Variants in KMT2C observed in about 807,000 individuals in gnomAD.
The protein encoded by KMT2C is histone-lysine N-methyltransferase 2C.
KMT2C carries 88 observed loss-of-function variants against 507.9 expected under a neutral mutation model. That is an observed-to-expected ratio of 0.17 (90% CI 0.15 to 0.21). KMT2C has a LOEUF of 0.21. Ranked by LOEUF, KMT2C falls within the 10% of genes least tolerant of loss-of-function variation. The pLI, the probability that KMT2C is intolerant of heterozygous loss-of-function variation, is 1.00. For missense variants in KMT2C, 4,954 were observed against 5,957.8 expected, an observed-to-expected ratio of 0.83 and a Z score of 5.55; for synonymous variants, 2,049 against 2,080.8, an observed-to-expected ratio of 0.98 and a Z score of 0.42.
chr7:152,181,197 T>C lies in KMT2C; in HGVS notation c.6663A>G (p.Pro2221=). Residue 2221 remains proline, a synonymous_variant, in exon 36 of 59, where the codon CCA becomes CCG. Coordinates refer to ENST00000262189, the MANE Select transcript of KMT2C (RefSeq NM_170606.3). ...RPGISVPYSQ[P]PATPRPRISE... is the part of the protein sequence containing the mutation. ...AAATCCTTGGCCTTGGTGTTGCTGG[T>C]GGCTGAGAGTAAGGGACAGAAATTC... The C allele has an allele frequency of 6.2e-7, 1 of 1,614,092 alleles. No individual in the cohort carries two copies. Among genetic ancestry groups the C allele is most frequent in the Admixed American group, 1.7e-5 (1 of 59,996 alleles).
Position 152,159,058 on chromosome 7 carries a change from A to G in KMT2C, c.11475T>C (p.Ala3825=), listed in dbSNP as rs1311900064. 7 of 1,614,036 alleles carry G rather than the reference A, an allele frequency of 4.3e-6. No homozygotes were observed. The Admixed American group carries it at 1.2e-4, about 27-fold the overall frequency. Residue 3825 remains alanine, a synonymous_variant, in exon 44 of 59, where the codon GCT becomes GCC. Coordinates refer to ENST00000262189, the MANE Select transcript of KMT2C (RefSeq NM_170606.3). ...NPAEGLQTLG[A]QMQGGFGCGN... ...CACATCCAAAACCACCTTGCATTTGAGCCCCCAAAGTTTGCTAATGTAATT... is the reference window on the plus strand; with the variant it reads ...CACATCCAAAACCACCTTGCATTTGGGCCCCCAAAGTTTGCTAATGTAATT...
chr7:152,165,645 A>G (rs929784520), intron 42 of KMT2C, among the ~76,000 whole-genome samples: 1 of 152,196 alleles, frequency 6.6e-6, no homozygotes, highest in Non-Finnish European at 1.5e-5. Flanking sequence ...TCTAATAGTT[A>G]TAAGCAAACA....
chr7:152,423,354 C>G (rs1387630902), intron 1 of KMT2C, among the ~76,000 whole-genome samples: 1 of 152,172 alleles, frequency 6.6e-6, no homozygotes, highest in African/African-American at 2.4e-5. Flanking sequence ...AACAAACAAA[C>G]TACATTCCCA....
chr7:152,193,232 A>T (rs1443748603), intron 31 of KMT2C, among the ~76,000 whole-genome samples: 2 of 152,162 alleles, frequency 1.3e-5, no homozygotes, highest in Non-Finnish European at 2.9e-5. Flanking sequence ...GCAACTCCAT[A>T]AACTCCTTCC....
At position 152,138,218 on chromosome 7, in the gene KMT2C, G is replaced by A. The variant is rs2090105538; in HGVS notation, c.14643+578C>T. 1 of 152,428 alleles carries A rather than the reference G, an allele frequency of 6.6e-6. No individual in the cohort carries two copies. Among genetic ancestry groups the A allele is most frequent in the Non-Finnish European group, 1.5e-5 (1 of 68,190 alleles). 9.4% of individuals were successfully genotyped at this position (152,428 alleles called of 1,614,324 possible). A position where few individuals can be genotyped will look rare whatever the true frequency, so the allele number is the denominator to read the frequency against. On this transcript the variant is annotated intron_variant, in intron 58 of 58. Coordinates refer to ENST00000262189, the MANE Select transcript of KMT2C (RefSeq NM_170606.3). This position sits in a 1 kb window ranked among gnomAD's most constrained non-coding sequence, Gnocchi z 4.2. ...CCAATGGGTGAGCCGCCGGACCAGA[G>A]TCACCTCTGAGAGCACGGAGACAAA...
intron 35 of KMT2C, 49 bp downstream of exon 35, chr7:152,182,925 C>A: frequency 7.0e-7 from 1 of 1,430,656 alleles, no homozygotes; most frequent in South Asian, 1.4e-5. Context: ...CCTCCCTTCT[C>A]AAAACAAAAA....
intron 1 of KMT2C, among the ~76,000 whole-genome samples, chr7:152,435,367 C>T (rs969117909): frequency 5.3e-5 from 8 of 151,804 alleles, no homozygotes; most frequent in Non-Finnish European, 7.4e-5. Flanking sequence ...AGTGAAAAGG[C>T]CCGACTGAAA....
chr7:152,279,927 C>T, intron 6 of KMT2C, among the ~76,000 whole-genome samples: 3 of 152,304 alleles, frequency 2.0e-5, no homozygotes. Flanking sequence ...ATTTCCTACC[C>T]TAATACAGAG....
chr7:152,323,370 G>C (rs2129207297), intron 3 of KMT2C, among the ~76,000 whole-genome samples: 1 of 152,098 alleles, frequency 6.6e-6, no homozygotes, highest in South Asian at 2.1e-4. Context: ...GGGAGTGGTG[G>C]CTCATGCCTA....
chr7:152,377,956 A>T (rs2097342323), intron 1 of KMT2C, among the ~76,000 whole-genome samples: 1 of 152,210 alleles, frequency 6.6e-6, no homozygotes, highest in African/African-American at 2.4e-5. Flanking sequence ...GTCATTGCAG[A>T]TGTAGTGGAA....
intron 2 of KMT2C, among the ~76,000 whole-genome samples, chr7:152,332,851 AACACACACAC>A (rs35781658): frequency 1.7e-3 from 232 of 138,604 alleles, no homozygotes; most frequent in South Asian, 7.2e-3. Context: ...TGCGTCTCAA[AACACACACAC>A]ACACACACAC....
At chr7:152,308,838 AAAAAGAAAAAG>A (rs1422247285) in intron 6 of KMT2C, among the ~76,000 whole-genome samples, 2 of 152,082 alleles carry the variant, frequency 1.3e-5, no homozygotes, top group Non-Finnish European at 2.9e-5. Context: ...CATTTTAAGA[AAAAAGAAAAAG>A]AAAAGCAATT....
chr7:152,341,409 C>G (rs1448342112), intron 2 of KMT2C, among the ~76,000 whole-genome samples: 1 of 152,178 alleles, frequency 6.6e-6, no homozygotes, highest in African/African-American at 2.4e-5. Flanking sequence ...CTTTGCTTCA[C>G]CATCTCTTCA....
intron 6 of KMT2C, among the ~76,000 whole-genome samples, chr7:152,282,960 C>A (rs1480981242): frequency 6.6e-6 from 1 of 151,946 alleles, no homozygotes; most frequent in African/African-American, 2.4e-5. Context: ...ACATGAAATT[C>A]TATATCAAGG....
In KMT2C at chr7:152,224,004, T is replaced by C. The variant is rs573665147; in HGVS notation, c.3323+11A>G. ...GAAAAGCTTTAAAAAGATGAAAAAA[T>C]AGCACAATACCTATCACATTGTCTA... On this transcript the variant is annotated intron_variant, in intron 20 of 58. Coordinates refer to ENST00000262189, the MANE Select transcript of KMT2C (RefSeq NM_170606.3). 2.1e-5 allele frequency: 33 copies of C among 1,543,416 alleles called. No homozygotes were observed. The highest frequency in any genetic ancestry group is 4.8e-4 in the Middle Eastern group (2 of 4,160).
At chr7:152,418,652 G>A (rs1208675910) in intron 1 of KMT2C, among the ~76,000 whole-genome samples, 3 of 151,620 alleles carry the variant, frequency 2.0e-5, no homozygotes, top group Admixed American at 2.0e-4. Flanking sequence ...GGCTGGTCTC[G>A]AACTCCTGAC....
chr7:152,221,871 G>A (rs1421351302), intron 22 of KMT2C, 130 bp downstream of exon 22: 4 of 665,262 alleles, frequency 6.0e-6, no homozygotes, highest in Middle Eastern at 4.1e-4. Flanking sequence ...TTGTGGAAAT[G>A]ATTACCAACA....
rs544265305 is a variant in KMT2C, at chr7:152,279,360, A to G, written c.850-5493T>C. Among the ~76,000 whole-genome samples the G allele has an allele frequency of 2.0e-5, 3 of 152,332 alleles. No homozygotes were observed. The East Asian group carries it at 5.8e-4, about 29-fold the overall frequency. ...TTCAAACATGCAAAACTATAAGACT[A>G]AAGAATTAAAATAAATAATGCCCAA... On this transcript the variant is annotated intron_variant, in intron 6 of 58. Transcript: ENST00000262189.
At chr7:152,147,252 C>A (rs2091195723) in intron 52 of KMT2C, among the ~76,000 whole-genome samples, 1 of 152,036 alleles carries the variant, frequency 6.6e-6, no homozygotes, top group South Asian at 2.1e-4. Context: ...CTAGACTTAA[C>A]CATGGAGGTC....
Sources: allele counts gnomAD v4.1 joint callset (sites outside exome capture counted in the v4.1 genomes callset), GRCh38; gene constraint gnomAD v4.1.1; non-coding constraint Gnocchi (gnomAD v3.1); transcripts MANE v1.5; gene names NCBI Gene and HGNC (gene_info 2026-07-23, HGNC 2026-07-21).